Variants in WNT11 observed in about 807,000 individuals in gnomAD.
WNT11 encodes the protein Wnt family member 11.
A neutral mutation model predicts 35.6 loss-of-function variants in WNT11; 20 were observed. That is an observed-to-expected ratio of 0.56 (90% confidence interval 0.40 to 0.82). The LOEUF is 0.82. WNT11 is among the 40% of genes least tolerant of loss of function. The pLI, the probability that WNT11 is intolerant of heterozygous loss-of-function variation, is 0.00. For synonymous variants in WNT11, 200 were observed against 211.9 expected (o/e 0.94, Z 0.49); for missense variants, 459 against 504.4 (o/e 0.91, Z 0.86).
intron 1 of WNT11, among the ~76,000 whole-genome samples, chr11:76,197,374 CTTG>C (rs965058320): frequency 2.4e-4 from 36 of 152,318 alleles, no homozygotes; most frequent in African/African-American, 8.4e-4. Flanking sequence ...TGGCCATTAA[CTTG>C]TTGTGTGATC....
At position 76,201,522 on chromosome 11, in the gene WNT11, G is replaced by A. The variant is rs149150724; in HGVS notation, c.83+4803C>T. On this transcript the variant is annotated intron_variant, in intron 1 of 4. Transcript: ENST00000322563. Reference sequence around the variant, plus strand: ...ACAGACCCCTAATTGGAAACATTTCGGTTTATCTGGGGGTGGGGGCCTGGG... The same window carrying A: ...ACAGACCCCTAATTGGAAACATTTCAGTTTATCTGGGGGTGGGGGCCTGGG... 1.6e-3 allele frequency among the ~76,000 whole-genome samples: 242 copies of A among 152,280 alleles called. 1 individual carries two copies. Among genetic ancestry groups the A allele is most frequent in the African/African-American group, 5.6e-3 (231 of 41,552 alleles).
chr11:76,195,056 A>G lies in WNT11; in HGVS notation c.320-212T>C, dbSNP rs1591305444. 48 of 590,348 alleles carry G rather than the reference A, an allele frequency of 8.1e-5. No individual in the cohort carries two copies. The East Asian group carries it at 1.3e-3, about 16-fold the overall frequency. 36.6% of individuals were successfully genotyped at this position (590,348 alleles called of 1,614,324 possible). A position where few individuals can be genotyped will look rare whatever the true frequency, so the allele number is the denominator to read the frequency against. ...CACTCAGGACCCCACACCCACAGGCATGCCCTCACCCACGTCCTCCTACTC... is the reference window on the plus strand; with the variant it reads ...CACTCAGGACCCCACACCCACAGGCGTGCCCTCACCCACGTCCTCCTACTC... On this transcript the variant is annotated intron_variant, in intron 2 of 4. Transcript: ENST00000322563.
At position 76,186,777 on chromosome 11, in the gene WNT11, G is replaced by A. The variant is rs1324101269; in HGVS notation, c.*288C>T. 8 of 536,154 alleles carry A rather than the reference G, an allele frequency of 1.5e-5. No individual in the cohort carries two copies. The highest frequency in any genetic ancestry group is 5.7e-5 in the African/African-American group (3 of 53,050). 33.2% of individuals were successfully genotyped at this position (536,154 alleles called of 1,614,324 possible). ...AGGTCAAGTCTGTATCAGTCTCACC[G>A]ATCCCAAGCCCCGCTCCTTACACCA... is the stretch of plus-strand genomic sequence containing the variant. On this transcript the variant is annotated 3_prime_UTR_variant, in exon 5 of 5. Coordinates refer to ENST00000322563, the MANE Select transcript of WNT11 (RefSeq NM_004626.3).
chr11:76,197,919 G>T (rs73500101), intron 1 of WNT11, among the ~76,000 whole-genome samples: 5 of 152,184 alleles, frequency 3.3e-5, no homozygotes, highest in South Asian at 2.1e-4. Flanking sequence ...AGCAGAGGCC[G>T]TCTGGAACCC....
At chr11:76,206,646 C>T, upstream of WNT11, 1 of 882,152 alleles carries the variant, frequency 1.1e-6, no homozygotes, top group Non-Finnish European at 1.5e-6. Context: ...GGGGACGCGT[C>T]CCGCGCCTGG....
chr11:76,187,303 AC>A, intron 4 of WNT11, 64 bp from the exon 5 acceptor site: 3 of 1,459,272 alleles, frequency 2.1e-6, no homozygotes, highest in East Asian at 2.5e-5. Flanking sequence ...ACACCCCATG[AC>A]TCCCAGCCAG....
At chr11:76,204,736 G>A (rs1236391203) in intron 1 of WNT11, among the ~76,000 whole-genome samples, 4 of 151,920 alleles carry the variant, frequency 2.6e-5, no homozygotes, top group African/African-American at 7.3e-5. Context: ...TTAGCCAGCC[G>A]TCCATCCCAC....
chr11:76,194,700 C>T lies in WNT11; in HGVS notation c.464G>A (p.Gly155Glu). ...GTAGCTGAGGTTGTCCGCACATCCT[C>T]CCCAGCGGTTCCCGGGCCCGGGTGG... is the stretch of plus-strand genomic sequence containing the variant. ...GEPPGPGNRW[G>E]GCADNLSYGL... Residue 155 changes from glycine (G) to glutamate (E), a missense_variant, in exon 3 of 5, where the codon GGA becomes GAA. Gly to Glu is a moderately conservative substitution (Grantham distance 98). Transcript: ENST00000322563. This position sits in a 1 kb window ranked among gnomAD's most constrained non-coding sequence, Gnocchi z 5.4. The T allele has an allele frequency of 6.4e-7, 1 of 1,550,590 alleles. No homozygotes were observed. The highest frequency in any genetic ancestry group is 8.7e-7 in the Non-Finnish European group (1 of 1,146,970).
In WNT11 at chr11:76,188,990, C is replaced by T. The variant is rs527775275; in HGVS notation, c.891-1751G>A. Among the ~76,000 whole-genome samples, 30 of 152,248 alleles carry T rather than the reference C, an allele frequency of 2.0e-4. No homozygotes were observed. In the South Asian group the frequency reaches 3.5e-3, roughly 18 times the overall value. On this transcript the variant is annotated intron_variant, in intron 4 of 4. Coordinates refer to ENST00000322563, the MANE Select transcript of WNT11 (RefSeq NM_004626.3). Reference sequence around the variant, plus strand: ...GGGGCCATGGGCAGAAGGAGGGGAGCGCCTGGGGAGAGTCAGCCGGTGACC... The same window carrying T: ...GGGGCCATGGGCAGAAGGAGGGGAGTGCCTGGGGAGAGTCAGCCGGTGACC...
intron 2 of WNT11, among the ~76,000 whole-genome samples, chr11:76,195,527 CA>C (rs890569288): frequency 5.3e-5 from 8 of 152,226 alleles, no homozygotes; most frequent in Admixed American, 1.3e-4. Context: ...CTAGCACCTT[CA>C]GGGGGAGCAC....
chr11:76,193,137 C>T (rs964563531), intron 3 of WNT11, among the ~76,000 whole-genome samples: 1 of 152,238 alleles, frequency 6.6e-6, no homozygotes, highest in Non-Finnish European at 1.5e-5. Context: ...ACTGGTGAGC[C>T]ATCGAGGGCA....
In WNT11 at chr11:76,206,339, A is replaced by G; in HGVS notation, c.69T>C (p.Tyr23=). The part of the protein sequence containing the change: ...FALALQTGVC[Y]GIKWLALSKT... Reference sequence around the variant, plus strand: ...TCCCTACTCACAGCCACTTGATGCCATAGCACACGCCGGTCTGGAGCGCCA... The same window carrying G: ...TCCCTACTCACAGCCACTTGATGCCGTAGCACACGCCGGTCTGGAGCGCCA... Residue 23 remains tyrosine, a synonymous_variant, in exon 1 of 5, where the codon TAT becomes TAC. Coordinates refer to ENST00000322563, the MANE Select transcript of WNT11 (RefSeq NM_004626.3). The G allele has an allele frequency of 3.2e-6, 5 of 1,571,442 alleles. No homozygotes were observed. The highest frequency in any genetic ancestry group is 4.3e-6 in the Non-Finnish European group (5 of 1,162,932).
At position 76,191,711 on chromosome 11, in the gene WNT11, A is replaced by G. The variant is rs376730016; in HGVS notation, c.743T>C (p.Val248Ala). 3.1e-6 allele frequency: 5 copies of G among 1,613,896 alleles called. No homozygotes were observed. In the Admixed American group the frequency reaches 5.0e-5, roughly 16 times the overall value. ...KTRYLSATKVVHRPMGTRKHL... is the reference protein window; with the variant it reads ...KTRYLSATKVAHRPMGTRKHL... ...CTTGCGGGTGCCCATGGGTCGGTGC[A>G]CTACCTTGGTGGCCGACAGGTATCG... The change falls in exon 4 of 5, where the codon GTG (valine) becomes GCG (alanine). Residue 248 changes from valine to alanine, a missense_variant. By Grantham distance (64) the Val-to-Ala change is moderately conservative. Transcript: ENST00000322563.
At chr11:76,189,628 C>T (rs1213831479) in intron 4 of WNT11, among the ~76,000 whole-genome samples, 1 of 152,186 alleles carries the variant, frequency 6.6e-6, no homozygotes, top group Non-Finnish European at 1.5e-5. Context: ...AACCCCCAAC[C>T]TCATCATCAA....
At chr11:76,190,284 CG>C (rs1953163660) in intron 4 of WNT11, among the ~76,000 whole-genome samples, 2 of 152,104 alleles carry the variant, frequency 1.3e-5, no homozygotes, top group African/African-American at 4.8e-5. Flanking sequence ...TCTTCACTCT[CG>C]GGTCCTCCGT....
intron 1 of WNT11, among the ~76,000 whole-genome samples, chr11:76,198,768 T>C (rs1299062604): frequency 6.6e-6 from 1 of 152,188 alleles, no homozygotes; most frequent in Non-Finnish European, 1.5e-5. Context: ...AGCACAAGCC[T>C]TGGACACCAG....
intron 1 of WNT11, among the ~76,000 whole-genome samples, chr11:76,202,089 T>C (rs1228382236): frequency 6.6e-6 from 1 of 152,112 alleles, no homozygotes; most frequent in Non-Finnish European, 1.5e-5. Flanking sequence ...CCGCCCACGG[T>C]GCTGAGTGGT....
chr11:76,204,104 A>T (rs1181843437), intron 1 of WNT11, among the ~76,000 whole-genome samples: 2 of 152,244 alleles, frequency 1.3e-5, no homozygotes, highest in Non-Finnish European at 2.9e-5. Context: ...CACCTAGCAC[A>T]AAGTGAGGCC....
intron 1 of WNT11, 80 bp from the exon 2 acceptor site, chr11:76,196,798 T>C: frequency 2.1e-6 from 3 of 1,443,236 alleles, no homozygotes; most frequent in East Asian, 2.5e-5. Context: ...CCCGCCCTTC[T>C]GGCCCCAGCC....
Sources: gnomAD v4.1 joint callset for allele counts (sites outside exome capture counted in the v4.1 genomes callset) on GRCh38, gnomAD v4.1.1 for gene constraint, Gnocchi (gnomAD v3.1) non-coding constraint, MANE v1.5 for transcripts, NCBI Gene and HGNC (gene_info 2026-07-23, HGNC 2026-07-21) for gene names.